The following RARB variants were observed in gnomAD, a reference collection of about 807,000 sequenced individuals.
RARB encodes retinoic acid receptor beta.
A neutral mutation model predicts 51.9 loss-of-function variants in RARB; 17 were observed. The ratio of observed to expected loss-of-function variants is 0.33; its 90% CI spans 0.22 to 0.49. The LOEUF is 0.49. Among genes scored for constraint, RARB ranks in the 20% least tolerant of loss-of-function variants. RARB has a pLI of 0.99. For missense variants in RARB, 369 were observed against 550.8 expected (o/e 0.67, Z 3.30); for synonymous variants, 215 against 195.4 (o/e 1.10, Z -0.84).
intron 1 of RARB, among the ~76,000 whole-genome samples, chr3:24,842,770 T>C (rs1702435034): frequency 2.0e-5 from 3 of 152,200 alleles, no homozygotes; most frequent in Admixed American, 2.0e-4. Context: ...GAGTGATATA[T>C]CACTCTTTAT....
intron 5 of RARB, among the ~76,000 whole-genome samples, chr3:25,328,104 G>T (rs904683326): frequency 5.3e-5 from 8 of 152,200 alleles, no homozygotes; most frequent in African/African-American, 1.9e-4. Context: ...TGGTATAAGA[G>T]AGCTAATTCC....
At chr3:25,285,197 A>G (rs550886077) in intron 5 of RARB, among the ~76,000 whole-genome samples, 49 of 152,364 alleles carry the variant, frequency 3.2e-4, no homozygotes, top group Middle Eastern at 3.4e-3. Context: ...AAATTGTCCT[A>G]GCAAAGGAGT....
At chr3:25,339,731 G>A (rs1021905848) in intron 5 of RARB, among the ~76,000 whole-genome samples, 1 of 152,022 alleles carries the variant, frequency 6.6e-6, no homozygotes, top group Non-Finnish European at 1.5e-5. Flanking sequence ...GATGTTAAGA[G>A]TCAACTGTAT....
chr3:25,148,920 C>T (rs1452037144), intron 4 of RARB, among the ~76,000 whole-genome samples: 1 of 130,630 alleles, frequency 7.7e-6, no homozygotes, highest in African/African-American at 2.8e-5. Flanking sequence ...TCTCCTTCCT[C>T]TTAGCTCACT....
intron 5 of RARB, among the ~76,000 whole-genome samples, chr3:25,374,268 G>GT (rs1706390817): frequency 1.3e-5 from 2 of 152,104 alleles, no homozygotes; most frequent in East Asian, 3.9e-4. Context: ...CAGAAAAGAG[G>GT]GTCTGAGGAC....
intron 5 of RARB, among the ~76,000 whole-genome samples, chr3:25,211,834 C>T (rs558717334): frequency 6.6e-6 from 1 of 152,182 alleles, no homozygotes; most frequent in Non-Finnish European, 1.5e-5. Context: ...GTCCATGATC[C>T]ATAATTTGCA....
chr3:25,397,923 G>A (rs957739363), intron 5 of RARB, among the ~76,000 whole-genome samples: 12 of 151,740 alleles, frequency 7.9e-5, no homozygotes, highest in Admixed American at 6.6e-4. Context: ...TTCAAGGGCT[G>A]GTCTATATAT....
At chr3:24,913,517 T>C (rs1695044715) in intron 2 of RARB, among the ~76,000 whole-genome samples, 1 of 152,008 alleles carries the variant, frequency 6.6e-6, no homozygotes, top group Non-Finnish European at 1.5e-5. Context: ...AGAGTAAATT[T>C]GTGTGTTAAC....
At chr3:25,210,553 TGAGA>T (rs1701671132) in intron 5 of RARB, among the ~76,000 whole-genome samples, 1 of 82,594 alleles carries the variant, frequency 1.2e-5, no homozygotes, top group African/African-American at 4.5e-5. Flanking sequence ...TTTTTTTTTT[TGAGA>T]TTGAGTCTCA....
intron 5 of RARB, among the ~76,000 whole-genome samples, chr3:25,362,592 A>G (rs1705979397): frequency 6.6e-6 from 1 of 152,132 alleles, no homozygotes. Context: ...AACCCAGGGC[A>G]CTTGTGGGGT....
At chr3:24,955,859 G>A (rs193021683) in intron 2 of RARB, among the ~76,000 whole-genome samples, 10 of 152,244 alleles carry the variant, frequency 6.6e-5, no homozygotes, top group South Asian at 2.1e-4. Flanking sequence ...CCCCCTGGCC[G>A]ATCTCTTAGT....
intron 2 of RARB, among the ~76,000 whole-genome samples, chr3:25,468,407 G>A (rs1036165777): frequency 5.0e-5 from 6 of 120,020 alleles, no homozygotes; most frequent in South Asian, 2.7e-4. Context: ...AACCCATAGC[G>A]CTTTTATTTC....
intron 2 of RARB, among the ~76,000 whole-genome samples, chr3:24,948,242 C>G (rs1346085875): frequency 6.6e-6 from 1 of 150,500 alleles, no homozygotes; most frequent in Non-Finnish European, 1.5e-5. Context: ...CACATCCCCC[C>G]TGCCCATGGT....
chr3:25,287,099 A>G (rs28622053), intron 5 of RARB, among the ~76,000 whole-genome samples: 11,480 of 152,268 alleles, frequency 0.075, 566 homozygotes, highest in African/African-American at 0.14. Flanking sequence ...TATACACCAC[A>G]TAAACTAATT....
At chr3:25,240,062 C>T (rs35984506) in intron 5 of RARB, among the ~76,000 whole-genome samples, 56,205 of 147,994 alleles carry the variant, frequency 0.38, 11,735 homozygotes, top group African/African-American at 0.58. Flanking sequence ...TTTTTGTTAT[C>T]GCTGTTTTGG....
In RARB at chr3:24,906,170, C is replaced by A. The variant is rs572335131; in HGVS notation, c.-380+47418C>A. Among the ~76,000 whole-genome samples, 4 of 152,246 alleles carry A rather than the reference C, an allele frequency of 2.6e-5. No individual in the cohort carries two copies. In the South Asian group the frequency reaches 8.3e-4, roughly 32 times the overall value. On this transcript the variant is annotated intron_variant, in intron 2 of 11. Coordinates refer to the RARB transcript ENST00000383772. ...CACAAATGAGGAGGGGATGTCGTGG[C>A]CACATTTTGGTTTTAGAAAGCTTGC...
At chr3:25,416,079 A>G (rs1273656112) in intron 5 of RARB, among the ~76,000 whole-genome samples, 3 of 152,202 alleles carry the variant, frequency 2.0e-5, no homozygotes, top group Non-Finnish European at 4.4e-5. Flanking sequence ...GAAGAAAAAG[A>G]TGCAACAAGG....
At chr3:24,892,965 A>G (rs927920525) in intron 2 of RARB, among the ~76,000 whole-genome samples, 1 of 152,204 alleles carries the variant, frequency 6.6e-6, no homozygotes, top group Non-Finnish European at 1.5e-5. Context: ...TATTCTCTGA[A>G]TCTTCACAGT....
intron 3 of RARB, among the ~76,000 whole-genome samples, chr3:25,069,255 C>G (rs1002849538): frequency 9.2e-5 from 14 of 152,122 alleles, no homozygotes; most frequent in African/African-American, 2.9e-4. Flanking sequence ...ATGAAATAAA[C>G]TCATTGATAT....
Sources: allele counts gnomAD v4.1 joint callset (sites outside exome capture counted in the v4.1 genomes callset), GRCh38; gene constraint gnomAD v4.1.1; transcripts MANE v1.5; gene names NCBI Gene and HGNC (gene_info 2026-07-23, HGNC 2026-07-21).